SYT14: variants seen among roughly 807,000 people sequenced by gnomAD.
The protein encoded by SYT14 is synaptotagmin-14.
A neutral mutation model predicts 74.2 loss-of-function variants in SYT14; 32 were observed. That is an observed-to-expected ratio of 0.43 (90% CI 0.33 to 0.58). The LOEUF is 0.58. Ranked by LOEUF, SYT14 falls within the 20% of genes least tolerant of loss-of-function variation. SYT14 has a pLI of 0.05. For missense variants in SYT14, 791 were observed against 981.8 expected, an observed-to-expected ratio of 0.81 and a Z score of 2.60; for synonymous variants, 298 against 337.7, an observed-to-expected ratio of 0.88 and a Z score of 1.29.
intron 7 of SYT14, among the ~76,000 whole-genome samples, chr1:210,117,026 A>T (rs2102598667): frequency 6.6e-6 from 1 of 152,316 alleles, no homozygotes; most frequent in African/African-American, 2.4e-5. Flanking sequence ...TTATTTTTAA[A>T]TAATAATTGA....
chr1:210,094,845 T>A (rs1003951371), intron 6 of SYT14, among the ~76,000 whole-genome samples: 40 of 152,180 alleles, frequency 2.6e-4, no homozygotes, highest in Admixed American at 3.9e-4. Context: ...ATGTTTTTTT[T>A]AAATACTTTG....
intron 8 of SYT14, among the ~76,000 whole-genome samples, chr1:210,156,184 A>G (rs1396372825): frequency 6.6e-6 from 1 of 152,176 alleles, no homozygotes; most frequent in Non-Finnish European, 1.5e-5. Flanking sequence ...AATGCCAGAA[A>G]AGGTTACAGG....
chr1:210,140,177 T>C (rs1215027755), intron 7 of SYT14, among the ~76,000 whole-genome samples: 1 of 152,174 alleles, frequency 6.6e-6, no homozygotes, highest in African/African-American at 2.4e-5. Context: ...TGGTATCTTA[T>C]TATGGTTTTG....
rs1357235532 is a variant in SYT14, at chr1:209,938,387, G to C, written c.-534+110G>C. The stretch of plus-strand genomic sequence containing the variant: ...CTGACGGGGCCGCCTCCTGTGGTCT[G>C]GAGCCGGCTGAAGACGCGCGGGGGT... On this transcript the variant is annotated intron_variant, in intron 1 of 9. Transcript: ENST00000637265. 25 of 1,184,524 alleles carry C rather than the reference G, an allele frequency of 2.1e-5. No homozygotes were observed. The South Asian group carries it at 3.6e-4, about 17-fold the overall frequency. 73.4% of individuals were successfully genotyped at this position (1,184,524 alleles called of 1,614,324 possible).
chr1:210,074,080 A>G (rs1332111162), intron 5 of SYT14, among the ~76,000 whole-genome samples: 1 of 152,152 alleles, frequency 6.6e-6, no homozygotes, highest in Non-Finnish European at 1.5e-5. Flanking sequence ...TTTCTCAAGA[A>G]CACTAAATAA....
chr1:210,007,873 A>G (rs901155862), intron 2 of SYT14, among the ~76,000 whole-genome samples: 5 of 152,164 alleles, frequency 3.3e-5, no homozygotes, highest in African/African-American at 1.2e-4. Flanking sequence ...GACTAAGATA[A>G]TATTATAGTA....
At chr1:210,060,032 A>G (rs2081179627) in intron 5 of SYT14, among the ~76,000 whole-genome samples, 1 of 152,132 alleles carries the variant, frequency 6.6e-6, no homozygotes, top group Non-Finnish European at 1.5e-5. Context: ...CTAGTCTAGC[A>G]TTGGTCCTTG....
At chr1:210,014,416 GTT>G (rs35527744) in intron 3 of SYT14, among the ~76,000 whole-genome samples, 36 of 143,058 alleles carry the variant, frequency 2.5e-4, no homozygotes, top group South Asian at 8.7e-4. Flanking sequence ...TCCTTGGAGT[GTT>G]TTTTTTTTTT....
At position 210,034,155 on chromosome 1, in the gene SYT14, A is replaced by G. The variant is rs73068477; in HGVS notation, c.1312+12901A>G. 2.9e-3 allele frequency among the ~76,000 whole-genome samples: 440 copies of G among 151,920 alleles called. 4 individuals carry two copies. The highest frequency in any genetic ancestry group is 0.01 in the African/African-American group (419 of 41,540). ...TAAGAGACAAGTTCTGTTAGTGTCC[A>G]TATTTTGAAGATGAGGAAACTGAAG... is the stretch of plus-strand genomic sequence containing the variant. On this transcript the variant is annotated intron_variant, in intron 5 of 9. Coordinates refer to ENST00000637265, the Ensembl canonical transcript of SYT14.
chr1:209,989,159 C>T (rs2079621973), intron 2 of SYT14, among the ~76,000 whole-genome samples: 1 of 151,978 alleles, frequency 6.6e-6, no homozygotes, highest in South Asian at 2.1e-4. Context: ...TTAGTGTTTT[C>T]AGGTGGTGGG....
intron 5 of SYT14, among the ~76,000 whole-genome samples, chr1:210,050,318 C>T (rs2080969150): frequency 6.6e-6 from 1 of 152,212 alleles, no homozygotes; most frequent in African/African-American, 2.4e-5. Flanking sequence ...TGGTTCTCAA[C>T]AAGTTCCTCA....
At chr1:210,130,477 G>T (rs1165041143) in intron 7 of SYT14, among the ~76,000 whole-genome samples, 1 of 152,078 alleles carries the variant, frequency 6.6e-6, no homozygotes, top group Non-Finnish European at 1.5e-5. Context: ...GAAGATATTA[G>T]AACTAAATTT....
intron 5 of SYT14, among the ~76,000 whole-genome samples, chr1:210,035,242 C>G (rs2080633990): frequency 6.6e-6 from 1 of 151,754 alleles, no homozygotes; most frequent in Non-Finnish European, 1.5e-5. Flanking sequence ...TTTCCTTTGC[C>G]CACTTTTTAA....
chr1:210,024,138 C>A (rs547168064), intron 5 of SYT14, among the ~76,000 whole-genome samples: 1 of 152,238 alleles, frequency 6.6e-6, no homozygotes, highest in African/African-American at 2.4e-5. Flanking sequence ...AAGTCTAAGG[C>A]CTGGAGTGCC....
intron 7 of SYT14, among the ~76,000 whole-genome samples, chr1:210,148,958 T>G (rs1233199817): frequency 1.3e-5 from 2 of 152,014 alleles, no homozygotes; most frequent in Non-Finnish European, 2.9e-5. Flanking sequence ...TTAAAATAAT[T>G]CAGCAAAAAA....
chr1:210,056,968 C>T (rs998381049), intron 5 of SYT14, among the ~76,000 whole-genome samples: 2 of 151,958 alleles, frequency 1.3e-5, no homozygotes, highest in Non-Finnish European at 2.9e-5. Context: ...CCTCAGCCTC[C>T]TGAGTAGCTG....
chr1:210,138,274 C>A (rs1007767817), intron 7 of SYT14, among the ~76,000 whole-genome samples: 1 of 152,140 alleles, frequency 6.6e-6, no homozygotes, highest in Non-Finnish European at 1.5e-5. Flanking sequence ...GGGAACTGCC[C>A]TTTATAAAAC....
At chr1:210,047,025 C>T (rs1252319708) in intron 5 of SYT14, among the ~76,000 whole-genome samples, 2 of 152,036 alleles carry the variant, frequency 1.3e-5, no homozygotes, top group South Asian at 2.1e-4. Context: ...TCCAGATCTC[C>T]TGTTTTTAAT....
chr1:209,984,175 T>A (rs574670827), intron 2 of SYT14, among the ~76,000 whole-genome samples: 21 of 152,298 alleles, frequency 1.4e-4, no homozygotes, highest in African/African-American at 4.1e-4. Context: ...AACCGCCAAT[T>A]TTTGGAAGTC....
Sources: gnomAD v4.1 joint callset for allele counts (sites outside exome capture counted in the v4.1 genomes callset) on GRCh38, gnomAD v4.1.1 for gene constraint, MANE v1.5 for transcripts, NCBI Gene and HGNC (gene_info 2026-07-23, HGNC 2026-07-21) for gene names.